RNF31: variants seen among roughly 807,000 people sequenced by gnomAD.
RNF31 encodes ring finger protein 31, also known as E3 ubiquitin-protein ligase RNF31.
In RNF31, 38 loss-of-function variants were observed where a neutral mutation model predicts 133.6. The observed-to-expected ratio is 0.28, with a 90% confidence interval of 0.22 to 0.37. The LOEUF (loss-of-function observed/expected upper bound fraction) is 0.37. Among genes scored for constraint, RNF31 ranks in the 10% least tolerant of loss-of-function variants. RNF31 has a pLI of 1.00. For synonymous variants in RNF31, 582 were observed against 552.3 expected (o/e 1.05, Z -0.75); for missense variants, 1,118 against 1,394.1 (o/e 0.80, Z 3.15).
chr14:24,148,607 C>T (rs1290702129), intron 3 of RNF31, 35 bp from the exon 4 acceptor site: 3 of 1,611,460 alleles, frequency 1.9e-6, no homozygotes, highest in East Asian at 2.2e-5. Context: ...TTCTAGGGGT[C>T]TAGCTGGAAA....
rs1321495963 is a variant in RNF31 at position 24,155,936 on chromosome 14, T to C, written c.2493+244T>C. On this transcript the variant is annotated intron_variant, in intron 14 of 20. Transcript: ENST00000324103. The surrounding 1 kb of genome is among the most constrained non-coding windows in gnomAD (Gnocchi z 4.9). ...AAAGAAAGTAAGCCAGAGGAACTAATTATACATAGGCATAAATTCTATGAA... is the reference window on the plus strand; with the variant it reads ...AAAGAAAGTAAGCCAGAGGAACTAACTATACATAGGCATAAATTCTATGAA... 6.6e-6 allele frequency among the ~76,000 whole-genome samples: 1 copy of C among 152,140 alleles called. No individual in the cohort carries two copies. Among genetic ancestry groups the C allele is most frequent in the Non-Finnish European group, 1.5e-5 (1 of 68,022 alleles).
At position 24,148,843 on chromosome 14, in the gene RNF31, G is replaced by A; in HGVS notation, c.598G>A (p.Ala200Thr). Residue 200 changes from alanine to threonine, a missense_variant, in exon 5 of 21, where the codon GCT becomes ACT. Physicochemically the swap from Ala to Thr is moderately conservative, Grantham distance 58. Coordinates refer to ENST00000324103, the MANE Select transcript of RNF31 (RefSeq NM_017999.5). ...ATTTGACCCCCTATTGAGAGAGATT[G>A]CTCCTGGCCCCCTCACCACACCCTC... is the stretch of plus-strand genomic sequence containing the variant. ...SEFDPLLREI[A>T]PGPLTTPSVP... 1.2e-6 allele frequency: 2 copies of A among 1,614,130 alleles called. No individual in the cohort carries two copies. The highest frequency in any genetic ancestry group is 1.7e-6 in the Non-Finnish European group (2 of 1,180,018).
intron 11 of RNF31, among the ~76,000 whole-genome samples, chr14:24,153,538 C>G (rs2038299417): frequency 1.3e-5 from 2 of 151,736 alleles, no homozygotes; most frequent in Admixed American, 1.3e-4. Flanking sequence ...GATCGTGCCA[C>G]CGCACTCCAG....
intron 11 of RNF31, among the ~76,000 whole-genome samples, chr14:24,152,749 G>A (rs1225101229): frequency 6.6e-6 from 1 of 152,238 alleles, no homozygotes; most frequent in Non-Finnish European, 1.5e-5. Context: ...CAGGAACTAA[G>A]AAGGGCTTAT....
At position 24,155,738 on chromosome 14, in the gene RNF31, A is replaced by G. The variant is rs2038332637; in HGVS notation, c.2493+46A>G. 6.5e-7 allele frequency: 1 copy of G among 1,544,382 alleles called. No homozygotes were observed. The highest frequency in any genetic ancestry group is 8.9e-7 in the Non-Finnish European group (1 of 1,118,634). On this transcript the variant is annotated intron_variant, in intron 14 of 20. Transcript: ENST00000324103. The surrounding 1 kb of genome is among the most constrained non-coding windows in gnomAD (Gnocchi z 4.9). Reference sequence around the variant, plus strand: ...CAGAAATACTTGCTGAGCTACTGCCAGGTACTGTGTTAGACTCAGGGGAGT... The same window carrying G: ...CAGAAATACTTGCTGAGCTACTGCCGGGTACTGTGTTAGACTCAGGGGAGT...
Position 24,160,652 on chromosome 14 carries a change from A to G in RNF31, c.*79A>G. The G allele has an allele frequency of 8.9e-7, 1 of 1,120,924 alleles. No individual in the cohort carries two copies. Among genetic ancestry groups the G allele is most frequent in the Non-Finnish European group, 1.2e-6 (1 of 833,494 alleles). The allele number at this position is 1,120,924 out of a possible 1,614,324, so 69.4% of individuals were successfully genotyped here. A position where few individuals can be genotyped will look rare whatever the true frequency, so the allele number is the denominator to read the frequency against. The stretch of plus-strand genomic sequence containing the variant: ...TCCAGCACCAATAAAGAGGCATCTT[A>G]CCACCCAGGCTTCTTGGTGGTCCTT... On this transcript the variant is annotated 3_prime_UTR_variant, in exon 21 of 21. Transcript: ENST00000324103. The surrounding 1 kb of genome is among the most constrained non-coding windows in gnomAD (Gnocchi z 4.0).
rs2038199836 is a variant in RNF31, at chr14:24,148,129, C to T, written c.339+7C>T. 6.2e-7 allele frequency: 1 copy of T among 1,614,118 alleles called. No individual in the cohort carries two copies. Among genetic ancestry groups the T allele is most frequent in the South Asian group, 1.1e-5 (1 of 91,080 alleles). On this transcript the variant is annotated splice_region_variant and intron_variant, in intron 2 of 20. Coordinates refer to ENST00000324103, the MANE Select transcript of RNF31 (RefSeq NM_017999.5). Reference sequence around the variant, plus strand: ...CACGGTGGATGCTGTGCAGGTGAATCCCCTGGCCTTATGGGAGAGGGGGCT... The same window carrying T: ...CACGGTGGATGCTGTGCAGGTGAATTCCCTGGCCTTATGGGAGAGGGGGCT...
In RNF31 at chr14:24,148,853, C is replaced by T; in HGVS notation, c.608C>T (p.Pro203Leu). The T allele has an allele frequency of 6.2e-7, 1 of 1,614,142 alleles. No individual in the cohort carries two copies. The highest frequency in any genetic ancestry group is 8.5e-7 in the Non-Finnish European group (1 of 1,179,992). ...DPLLREIAPGPLTTPSVPGST... is the reference protein window; with the variant it reads ...DPLLREIAPGLLTTPSVPGST... Reference sequence around the variant, plus strand: ...CTATTGAGAGAGATTGCTCCTGGCCCCCTCACCACACCCTCTGTCCCAGGT... The same window carrying T: ...CTATTGAGAGAGATTGCTCCTGGCCTCCTCACCACACCCTCTGTCCCAGGT... The change falls in exon 5 of 21, where the codon CCC becomes CTC. Residue 203 changes from proline to leucine, a missense_variant. Physicochemically the swap from Pro to Leu is moderately conservative, Grantham distance 98. This residue lies in a region of RNF31 where 747 missense variants were observed against 827.9 expected (regional missense o/e 0.90). Transcript: ENST00000324103.
rs928769272 is a variant in RNF31, at chr14:24,147,773, C to T, written c.75C>T (p.Ser25=). 3 of 1,579,206 alleles carry T rather than the reference C, an allele frequency of 1.9e-6. No homozygotes were observed. Among genetic ancestry groups the T allele is most frequent in the Non-Finnish European group, 1.7e-6 (2 of 1,165,618 alleles). ...EELASALRRD[S]GQAFSLEQLR... The stretch of plus-strand genomic sequence containing the variant: ...TGGCGAGCGCCCTGAGGAGGGATTC[C>T]GGGCAGGCGTTTTCCCTGGAGCAGC... The change falls in exon 1 of 21, where the codon TCC becomes TCT. Residue 25 remains serine (S), a synonymous_variant. Coordinates refer to ENST00000324103, the MANE Select transcript of RNF31 (RefSeq NM_017999.5).
chr14:24,157,674 G>T (rs543111280), intron 16 of RNF31, 36 bp downstream of exon 16: 113 of 1,569,192 alleles, frequency 7.2e-5, no homozygotes, highest in East Asian at 6.7e-4. Flanking sequence ...GTGGAAGGGT[G>T]GGGGGTGCCA....
Position 24,158,453 on chromosome 14 carries a change from C to T in RNF31, c.2899+254C>T, listed in dbSNP as rs139423143. 3 of 522,238 alleles carry T rather than the reference C, an allele frequency of 5.7e-6. No homozygotes were observed. The Admixed American group carries it at 1.1e-4, about 19-fold the overall frequency. The allele number at this position is 522,238 out of a possible 1,614,324, so 32.4% of individuals were successfully genotyped here. The stretch of plus-strand genomic sequence containing the variant: ...TTAATACTAATTTTCTTCTCCCATT[C>T]CCAAATGATCATAATTAATTAATTA... On this transcript the variant is annotated intron_variant, in intron 18 of 20. Transcript: ENST00000324103.
chr14:24,149,259 G>A (rs983505120), intron 5 of RNF31, 147 bp from the exon 6 acceptor site: 47 of 841,708 alleles, frequency 5.6e-5, no homozygotes, highest in Non-Finnish European at 7.9e-5. Flanking sequence ...CACCACGCCC[G>A]GCCTCTTTGT....
intron 16 of RNF31, 66 bp downstream of exon 16, chr14:24,157,704 G>T: frequency 7.1e-7 from 1 of 1,411,530 alleles, no homozygotes; most frequent in Non-Finnish European, 1.0e-6. Context: ...AGAGTCAGAG[G>T]CTATTGAGGA....
intron 14 of RNF31, among the ~76,000 whole-genome samples, chr14:24,156,301 G>GTTTATTTA (rs536973040): frequency 1.3e-5 from 2 of 151,974 alleles, no homozygotes; most frequent in Non-Finnish European, 1.5e-5. Context: ...TTTATCTTTC[G>GTTTATTTA]TTTATTTATT....
chr14:24,149,160 T>G (rs2038225302), intron 5 of RNF31: 4 of 593,422 alleles, frequency 6.7e-6, no homozygotes, highest in Non-Finnish European at 1.2e-5. Context: ...ATGGGGTTTC[T>G]CCATGTTGGT....
At chr14:24,156,149 T>C (rs557763102) in intron 14 of RNF31, among the ~76,000 whole-genome samples, 32 of 152,180 alleles carry the variant, frequency 2.1e-4, no homozygotes, top group Admixed American at 3.9e-4. Flanking sequence ...AAGTGTTGTA[T>C]GGCTGGAGCC....
intron 18 of RNF31, 182 bp from the exon 19 acceptor site, chr14:24,159,682 G>A: frequency 1.9e-6 from 1 of 536,794 alleles, no homozygotes. Context: ...CCCTGCCTCT[G>A]TATCAGATGG....
In RNF31 at chr14:24,159,904, G is replaced by A; in HGVS notation, c.2940G>A (p.Gly980=). 1 of 1,614,130 alleles carries A rather than the reference G, an allele frequency of 6.2e-7. No homozygotes were observed. Among genetic ancestry groups the A allele is most frequent in the Non-Finnish European group, 8.5e-7 (1 of 1,180,036 alleles). The part of the protein sequence containing the change: ...RVIEQKEVPN[G]LRDEACGKET... ...TAGAGCAGAAGGAGGTTCCCAATGGGCTCAGGGACGAAGCTTGTGGCAAGG... is the reference window on the plus strand; with the variant it reads ...TAGAGCAGAAGGAGGTTCCCAATGGACTCAGGGACGAAGCTTGTGGCAAGG... Residue 980 remains glycine, a synonymous_variant, in exon 19 of 21, where the codon GGG becomes GGA. Coordinates refer to ENST00000324103, the MANE Select transcript of RNF31 (RefSeq NM_017999.5).
chr14:24,147,427 G>C (rs1264120317), upstream of RNF31: 6 of 333,314 alleles, frequency 1.8e-5, no homozygotes, highest in Non-Finnish European at 1.6e-5. Flanking sequence ...CTGGTTTCCT[G>C]ACACCGCTCC....
Sources: gnomAD v4.1 joint callset for allele counts (sites outside exome capture counted in the v4.1 genomes callset) on GRCh38, gnomAD v4.1.1 for gene constraint, gnomAD v4.1.1 regional missense constraint, Gnocchi (gnomAD v3.1) non-coding constraint, MANE v1.5 for transcripts, NCBI Gene and HGNC (gene_info 2026-07-23, HGNC 2026-07-21) for gene names.